CHD8: variants seen among roughly 807,000 people sequenced by gnomAD.
CHD8 encodes the protein chromodomain helicase DNA binding protein 8, also known as ATP-dependent chromatin remodeler CHD8.
In CHD8, 31 loss-of-function variants were observed where a neutral mutation model predicts 279.2. The observed-to-expected ratio is 0.11, with a 90% CI of 0.08 to 0.15. The LOEUF is 0.15. Ranked by LOEUF, CHD8 falls within the 10% of genes least tolerant of loss-of-function variation. The pLI is 1.00. For missense variants in CHD8, 2,146 were observed against 3,230.5 expected (o/e 0.66, Z 8.14); for synonymous variants, 1,081 against 1,139.6 (o/e 0.95, Z 1.04).
rs925721255 is a variant in CHD8, at chr14:21,403,149, G to A, written c.3582C>T (p.Arg1194=). The A allele has an allele frequency of 6.2e-7, 1 of 1,614,044 alleles. No individual in the cohort carries two copies. Among genetic ancestry groups the A allele is most frequent in the Non-Finnish European group, 8.5e-7 (1 of 1,179,896 alleles). The change falls in exon 18 of 38, where the codon CGC becomes CGT. Residue 1194 remains arginine (R), a synonymous_variant. Transcript: ENST00000646647. The surrounding 1 kb of genome is among the most constrained non-coding windows in gnomAD (Gnocchi z 4.3). Reference sequence around the variant, plus strand: ...AGCGGTCTGAGTCAGGCTTGCTGAAGCGGTCAATGGCAGCCTGTCGAAGGT... The same window carrying A: ...AGCGGTCTGAGTCAGGCTTGCTGAAACGGTCAATGGCAGCCTGTCGAAGGT... ...RGNLRQAAID[R]FSKPDSDRFV...
At chr14:21,435,292 C>T (rs1311171627) in intron 1 of CHD8, among the ~76,000 whole-genome samples, 1 of 152,192 alleles carries the variant, frequency 6.6e-6, no homozygotes, top group African/African-American at 2.4e-5. Context: ...TATCTATAAT[C>T]GCCAAGTAAC....
At position 21,393,673 on chromosome 14, in the gene CHD8, T is replaced by A; in HGVS notation, c.6122A>T (p.Tyr2041Phe). The change falls in exon 32 of 38, where the codon TAT becomes TTT. Residue 2041 changes from tyrosine to phenylalanine, a missense_variant. This residue lies in a region of CHD8 where 513 missense variants were observed against 637.6 expected (regional missense o/e 0.80). Transcript: ENST00000646647. ...ATCAGAGGGGGATACTCGCATCTCA[T>A]AGTCTTGTGGGGTTGGTCGGCTCCT... is the stretch of plus-strand genomic sequence containing the variant. ...VARSRPTPQD[Y>F]EMRVSPSDTT... is the part of the protein sequence containing the mutation. The A allele has an allele frequency of 6.2e-7, 1 of 1,613,970 alleles. No individual in the cohort carries two copies. The highest frequency in any genetic ancestry group is 8.5e-7 in the Non-Finnish European group (1 of 1,179,874).
chr14:21,407,757 C>T (rs992381714), intron 13 of CHD8, among the ~76,000 whole-genome samples: 1 of 151,910 alleles, frequency 6.6e-6, no homozygotes, highest in African/African-American at 2.4e-5. Context: ...TACAGGTGCC[C>T]ACCACCACAC....
intron 25 of CHD8, 106 bp from the exon 26 acceptor site, chr14:21,399,811 C>G (rs1008443572): frequency 2.1e-6 from 2 of 943,138 alleles, no homozygotes; most frequent in Non-Finnish European, 3.5e-6. Context: ...AATTTAAATA[C>G]TCATGCATCT....
At chr14:21,386,916 T>C (rs2139431006) in intron 37 of CHD8, among the ~76,000 whole-genome samples, 1 of 151,814 alleles carries the variant, frequency 6.6e-6, no homozygotes, top group Non-Finnish European at 1.5e-5. Flanking sequence ...ACATTTACAA[T>C]AATATCCTCT....
chr14:21,448,221 T>G (rs951413973), intron 1 of CHD8, among the ~76,000 whole-genome samples: 2 of 152,232 alleles, frequency 1.3e-5, no homozygotes, highest in African/African-American at 4.8e-5. Context: ...ATCAGACTTG[T>G]GCCTAAAAAC....
intron 1 of CHD8, among the ~76,000 whole-genome samples, chr14:21,440,186 A>G (rs956086062): frequency 4.6e-5 from 7 of 152,150 alleles, no homozygotes; most frequent in African/African-American, 1.7e-4. Flanking sequence ...AAACATCAAT[A>G]AAGTAGTTTC....
At chr14:21,391,668 G>C in intron 35 of CHD8, 26 bp from the exon 36 acceptor site, 1 of 1,131,542 alleles carries the variant, frequency 8.8e-7, no homozygotes, top group Non-Finnish European at 1.2e-6. Flanking sequence ...CCACCCCCAT[G>C]AGCACATACT....
chr14:21,414,890 C>G, intron 8 of CHD8, 48 bp downstream of exon 8: 1 of 1,474,588 alleles, frequency 6.8e-7, no homozygotes, highest in African/African-American at 1.4e-5. Flanking sequence ...GAACTTTTTA[C>G]CACCCTGTGG....
intron 37 of CHD8, among the ~76,000 whole-genome samples, chr14:21,387,548 C>CT (rs1205812006): frequency 5.9e-5 from 9 of 151,386 alleles, no homozygotes; most frequent in African/African-American, 1.9e-4. Context: ...GCAGAAAAAT[C>CT]GCTTGAACCC....
rs796784877 is a variant in CHD8, at chr14:21,443,217, C to G, written c.-215-11359G>C. 3.3e-5 allele frequency among the ~76,000 whole-genome samples: 5 copies of G among 151,664 alleles called. 1 individual carries two copies. The highest frequency in any genetic ancestry group is 1.2e-4 in the African/African-American group (5 of 41,310). On this transcript the variant is annotated intron_variant, in intron 1 of 37. Transcript: ENST00000646647. ...CCATCCTGGCTAACACGGTGAAACT[C>G]CGTCTCTACTAAAAATACAAAAAAT...
intron 25 of CHD8, 32 bp downstream of exon 25, chr14:21,399,949 G>A: frequency 7.8e-6 from 12 of 1,540,632 alleles, no homozygotes; most frequent in Non-Finnish European, 1.1e-5. Flanking sequence ...ATAAGGTAGG[G>A]CATAAATCAA....
intron 1 of CHD8, among the ~76,000 whole-genome samples, chr14:21,432,749 A>C (rs1435721270): frequency 6.6e-6 from 1 of 152,188 alleles, no homozygotes; most frequent in Non-Finnish European, 1.5e-5. Flanking sequence ...TGAGCCCTGA[A>C]CCTCTGACGC....
rs1247681138 is a variant in CHD8 at position 21,395,839 on chromosome 14, G to T, written c.5105C>A (p.Pro1702His). ...TACCTCATCATCTTGGTCCTTTGGGGGACCTTGGAGTGGTTTATATTCAGG... is the reference window on the plus strand; with the variant it reads ...TACCTCATCATCTTGGTCCTTTGGGTGACCTTGGAGTGGTTTATATTCAGG... The part of the protein sequence containing the change: ...EDPEYKPLQG[P>H]PKDQDDEGDP... Residue 1702 changes from proline to histidine, a missense_variant, in exon 28 of 38, where the codon CCC becomes CAC. Pro to His is a moderately conservative substitution (Grantham distance 77). This residue lies in a region of CHD8 where 75 missense variants were observed against 81.3 expected (regional missense o/e 0.92). Coordinates refer to ENST00000646647, the MANE Select transcript of CHD8 (RefSeq NM_001170629.2). 6.2e-7 allele frequency: 1 copy of T among 1,609,950 alleles called. No homozygotes were observed. The highest frequency in any genetic ancestry group is 1.1e-5 in the South Asian group (1 of 90,754).
intron 9 of CHD8, 88 bp from the exon 10 acceptor site, chr14:21,413,084 T>C: frequency 1.3e-6 from 1 of 779,016 alleles, no homozygotes; most frequent in Middle Eastern, 2.3e-4. Flanking sequence ...CAGAGAATCC[T>C]ACTTCAAAAT....
At chr14:21,451,113 A>T (rs182086599) in intron 1 of CHD8, among the ~76,000 whole-genome samples, 2 of 152,236 alleles carry the variant, frequency 1.3e-5, no homozygotes, top group South Asian at 4.1e-4. Context: ...ATAATTACAC[A>T]TAACAGTAAA....
At chr14:21,434,564 T>C (rs1889701857) in intron 1 of CHD8, among the ~76,000 whole-genome samples, 1 of 152,042 alleles carries the variant, frequency 6.6e-6, no homozygotes, top group Non-Finnish European at 1.5e-5. Flanking sequence ...TATGACTTAG[T>C]ATAAGCTTTT....
At position 21,385,790 on chromosome 14, in the gene CHD8, G is replaced by T. The variant is rs376217321; in HGVS notation, c.7569C>A (p.Thr2523=). ...GCAACCGCAAGGTAGTACCAGAGGC[G>T]GTAGTCACTGGTGAAGAGGGGTAGC... ...APGYPSSPVT[T]ASGTTLRLPP... Residue 2523 remains threonine (T), a synonymous_variant, in exon 38 of 38, where the codon ACC becomes ACA. Transcript: ENST00000646647. The T allele has an allele frequency of 5.8e-6, 9 of 1,550,650 alleles. No individual in the cohort carries two copies. The Admixed American group carries it at 1.8e-4, about 30-fold the overall frequency.
chr14:21,455,096 G>C (rs569875571), intron 1 of CHD8: 1 of 152,350 alleles, frequency 6.6e-6, no homozygotes, highest in East Asian at 1.9e-4. Flanking sequence ...AGCAGACACT[G>C]ATAAGGCAGC....
Sources: gnomAD v4.1 joint callset for allele counts (sites outside exome capture counted in the v4.1 genomes callset) on GRCh38, gnomAD v4.1.1 for gene constraint, gnomAD v4.1.1 regional missense constraint, Gnocchi (gnomAD v3.1) non-coding constraint, MANE v1.5 for transcripts, NCBI Gene and HGNC (gene_info 2026-07-23, HGNC 2026-07-21) for gene names.